The following SOX5 variants were observed in gnomAD, a reference collection of about 807,000 sequenced individuals.
SOX5 encodes the protein transcription factor SOX-5.
In SOX5, 9 loss-of-function variants were observed where a neutral mutation model predicts 92.0. The observed-to-expected ratio is 0.10, with a 90% CI of 0.06 to 0.17. SOX5 has a LOEUF of 0.17. Ranked by LOEUF, SOX5 falls within the 10% of genes least tolerant of loss-of-function variation. The pLI is 1.00. For missense variants in SOX5, 642 were observed against 944.5 expected, an observed-to-expected ratio of 0.68 and a Z score of 4.20; for synonymous variants, 344 against 336.3, an observed-to-expected ratio of 1.02 and a Z score of -0.25.
intron 2 of SOX5, among the ~76,000 whole-genome samples, chr12:24,356,027 G>T (rs1344476445): frequency 1.3e-5 from 2 of 148,364 alleles, no homozygotes; most frequent in Non-Finnish European, 2.9e-5. Flanking sequence ...CATTCAAAAG[G>T]ATAAAAAAGG....
intron 4 of SOX5, among the ~76,000 whole-genome samples, chr12:24,102,938 A>G (rs1946256541): frequency 6.6e-6 from 1 of 152,214 alleles, no homozygotes; most frequent in Admixed American, 6.5e-5. Context: ...AGAAAAAGAA[A>G]GGGCGTGAAA....
chr12:23,707,137 G>A (rs538647076), intron 6 of SOX5, among the ~76,000 whole-genome samples: 1 of 152,244 alleles, frequency 6.6e-6, no homozygotes, highest in South Asian at 2.1e-4. Flanking sequence ...CCAGGTTTAA[G>A]TTTTATTCTA....
chr12:23,692,298 A>C (rs7973026), intron 6 of SOX5, among the ~76,000 whole-genome samples: 36,201 of 151,774 alleles, frequency 0.24, 5,088 homozygotes, highest in African/African-American at 0.4. Context: ...TTAGACAGGC[A>C]TGGCAGCCGG....
intron 3 of SOX5, among the ~76,000 whole-genome samples, chr12:23,781,212 T>A (rs2141768103): frequency 6.6e-6 from 1 of 152,090 alleles, no homozygotes; most frequent in African/African-American, 2.4e-5. Context: ...TTTCTGTACT[T>A]CCTTTCTTTC....
At chr12:23,565,342 G>C (rs1261659551) in intron 10 of SOX5, among the ~76,000 whole-genome samples, 1 of 152,030 alleles carries the variant, frequency 6.6e-6, no homozygotes, top group Non-Finnish European at 1.5e-5. Context: ...TGATGGTCTT[G>C]GTATATGTTC....
chr12:24,347,027 T>TA (rs779884188), intron 2 of SOX5, among the ~76,000 whole-genome samples: 107 of 151,518 alleles, frequency 7.1e-4, no homozygotes, highest in Non-Finnish European at 1.2e-3. Flanking sequence ...TAAAGTATAA[T>TA]AAAAAAAAAT....
chr12:24,385,581 C>CAA (rs146191028), intron 1 of SOX5, among the ~76,000 whole-genome samples: 1 of 151,838 alleles, frequency 6.6e-6, no homozygotes, highest in Non-Finnish European at 1.5e-5. Context: ...CCAGGAATGG[C>CAA]AAAAAAACTT....
intron 4 of SOX5, among the ~76,000 whole-genome samples, chr12:24,182,224 A>G (rs1007174274): frequency 2.0e-5 from 3 of 152,244 alleles, no homozygotes; most frequent in African/African-American, 7.2e-5. Context: ...CACAGCAAAC[A>G]AAACTAAAAG....
intron 4 of SOX5, among the ~76,000 whole-genome samples, chr12:23,975,234 T>C (rs951122876): frequency 3.3e-5 from 5 of 152,276 alleles, no homozygotes; most frequent in African/African-American, 1.2e-4. Context: ...GAGCACCACC[T>C]AAATCTTCTT....
intron 4 of SOX5, among the ~76,000 whole-genome samples, chr12:24,076,534 T>C (rs567192865): frequency 8.1e-4 from 123 of 152,304 alleles, no homozygotes; most frequent in Non-Finnish European, 1.5e-3. Flanking sequence ...CCTGACATTA[T>C]AGGTGATTTA....
At chr12:23,577,835 G>A (rs1288971450) in intron 9 of SOX5, among the ~76,000 whole-genome samples, 1 of 151,596 alleles carries the variant, frequency 6.6e-6, no homozygotes, top group Non-Finnish European at 1.5e-5. Flanking sequence ...AACTATAGGG[G>A]CAATGGCTGG....
At chr12:23,625,611 T>G (rs1195620511) in intron 8 of SOX5, among the ~76,000 whole-genome samples, 1 of 152,140 alleles carries the variant, frequency 6.6e-6, no homozygotes, top group East Asian at 1.9e-4. Context: ...AATATTTGTT[T>G]TTGTTTTTTG....
intron 3 of SOX5, among the ~76,000 whole-genome samples, chr12:24,264,847 A>T (rs1302377572): frequency 6.6e-6 from 1 of 152,214 alleles, no homozygotes; most frequent in Non-Finnish European, 1.5e-5. Flanking sequence ...ATAACGGATG[A>T]TGTCTATTAT....
At chr12:24,472,543 C>A (rs537774555) in intron 1 of SOX5, among the ~76,000 whole-genome samples, 167 of 152,248 alleles carry the variant, frequency 1.1e-3, no homozygotes, top group Non-Finnish European at 2.1e-3. Context: ...AAAGAATGAG[C>A]CCCTAGATCA....
chr12:24,049,330 T>C (rs1362112932), intron 4 of SOX5, among the ~76,000 whole-genome samples: 2 of 152,218 alleles, frequency 1.3e-5, no homozygotes, highest in East Asian at 3.8e-4. Context: ...AACCACAAAC[T>C]GGCAGTTTAT....
intron 11 of SOX5, among the ~76,000 whole-genome samples, chr12:23,548,807 T>C (rs564664158): frequency 2.0e-5 from 3 of 152,152 alleles, no homozygotes; most frequent in Non-Finnish European, 1.5e-5. Context: ...TAAATTTATA[T>C]GTGGTTAGGT....
chr12:23,885,895 A>C (rs1449359419), intron 2 of SOX5, among the ~76,000 whole-genome samples: 1 of 148,604 alleles, frequency 6.7e-6, no homozygotes, highest in African/African-American at 2.5e-5. Flanking sequence ...AAAAAAAAAA[A>C]AAGATCAAAA....
intron 8 of SOX5, among the ~76,000 whole-genome samples, chr12:23,617,128 GAAA>G (rs34672362): frequency 0.13 from 13,306 of 106,280 alleles, 1,142 homozygotes; most frequent in African/African-American, 0.29. Flanking sequence ...TCTGTCTCAA[GAAA>G]AAAAAAAAAA....
chr12:24,265,503 C>T (rs1370929266), intron 3 of SOX5, among the ~76,000 whole-genome samples: 2 of 152,086 alleles, frequency 1.3e-5, no homozygotes, highest in Admixed American at 6.5e-5. Context: ...GAGGTCGTGC[C>T]ACTGTACTCC....
Sources: gnomAD v4.1 joint callset for allele counts (sites outside exome capture counted in the v4.1 genomes callset) on GRCh38, gnomAD v4.1.1 for gene constraint, MANE v1.5 for transcripts, NCBI Gene and HGNC (gene_info 2026-07-23, HGNC 2026-07-21) for gene names.